The following FILIP1 variants were observed in gnomAD, a reference collection of about 807,000 sequenced individuals.
The protein encoded by FILIP1 is filamin-A-interacting protein 1.
FILIP1 carries 61 observed loss-of-function variants against 102.1 expected under a neutral mutation model. The ratio of observed to expected loss-of-function variants is 0.60; its 90% CI spans 0.49 to 0.74. The LOEUF (loss-of-function observed/expected upper bound fraction) is 0.74, where lower values mean the gene tolerates loss of function less well. Among genes scored for constraint, FILIP1 ranks in the 30% least tolerant of loss-of-function variants. The probability of loss-of-function intolerance (pLI) is 0.00; values close to 1 mark genes in which losing one functional copy is unlikely to be tolerated. For synonymous variants in FILIP1, 491 were observed against 526.9 expected, an observed-to-expected ratio of 0.93 and a Z score of 0.93; for missense variants, 1,314 against 1,441.2, an observed-to-expected ratio of 0.91 and a Z score of 1.43.
At chr6:75,441,790 G>T (rs1366954080) in intron 1 of FILIP1, among the ~76,000 whole-genome samples, 5 of 148,476 alleles carry the variant, frequency 3.4e-5, no homozygotes, top group African/African-American at 1.2e-4. Context: ...CAGCCGGGCA[G>T]AGGTGCCCCT....
intron 4 of FILIP1, among the ~76,000 whole-genome samples, chr6:75,348,881 C>CT (rs1306293466): frequency 6.6e-6 from 1 of 152,168 alleles, no homozygotes; most frequent in Non-Finnish European, 1.5e-5. Flanking sequence ...GTCCTAATAT[C>CT]TCTGTGCTTA....
rs1773082853 is a variant in FILIP1, at chr6:75,308,900, G to A, written c.3436-3C>T. 1.9e-6 allele frequency: 3 copies of A among 1,613,674 alleles called. No homozygotes were observed. Among genetic ancestry groups the A allele is most frequent in the African/African-American group, 1.3e-5 (1 of 74,910 alleles). ...TGGGATGACCCGTCTTGTCCTGACTGTAAGAGAGAAAATACGTAGATACAA... is the reference window on the plus strand; with the variant it reads ...TGGGATGACCCGTCTTGTCCTGACTATAAGAGAGAAAATACGTAGATACAA... On this transcript the variant is annotated splice_polypyrimidine_tract_variant and splice_region_variant and intron_variant, in intron 5 of 5. Transcript: ENST00000237172.
At chr6:75,407,611 G>C (rs753155942) in intron 2 of FILIP1, among the ~76,000 whole-genome samples, 2 of 152,146 alleles carry the variant, frequency 1.3e-5, no homozygotes, top group Non-Finnish European at 2.9e-5. Flanking sequence ...TCAATGTCAA[G>C]AGTCAATGTG....
In FILIP1 at chr6:75,297,336, A is replaced by G. The variant is rs560706164; in HGVS notation, c.3494-1386T>C. On this transcript the variant is annotated intron_variant, in intron 6 of 6. Transcript: ENST00000393004. The stretch of plus-strand genomic sequence containing the variant: ...CAGTGCATGATTACCTGCCAAAAAG[A>G]AAATGTTTTCTTAATTTGGTGTCGT... 6.6e-5 allele frequency among the ~76,000 whole-genome samples: 10 copies of G among 152,302 alleles called. No homozygotes were observed. In the East Asian group the frequency reaches 1.7e-3, roughly 26 times the overall value.
chr6:75,477,548 C>T (rs1582564647), intron 1 of FILIP1, among the ~76,000 whole-genome samples: 1 of 150,864 alleles, frequency 6.6e-6, no homozygotes, highest in Non-Finnish European at 1.5e-5. Flanking sequence ...TATAATTTGT[C>T]CATCAAAAAT....
chr6:75,345,621 A>C (rs1258216348), intron 4 of FILIP1, among the ~76,000 whole-genome samples: 10 of 152,166 alleles, frequency 6.6e-5, no homozygotes, highest in Admixed American at 6.5e-4. Flanking sequence ...TGCGCTATGT[A>C]AACGTCACAC....
chr6:75,422,588 A>C (rs1379663269), intron 1 of FILIP1, among the ~76,000 whole-genome samples: 1 of 152,166 alleles, frequency 6.6e-6, no homozygotes, highest in Non-Finnish European at 1.5e-5. Flanking sequence ...AGCCAGAAAG[A>C]CAAGTACCTT....
chr6:75,345,693 A>T (rs1774557639), intron 4 of FILIP1, among the ~76,000 whole-genome samples: 1 of 152,126 alleles, frequency 6.6e-6, no homozygotes, highest in African/African-American at 2.4e-5. Flanking sequence ...TCCTGCCTAT[A>T]AAATCTGCTG....
intron 4 of FILIP1, chr6:75,319,172 T>C (rs1230906767): frequency 2.5e-5 from 18 of 731,134 alleles, no homozygotes; most frequent in Non-Finnish European, 4.0e-5. Flanking sequence ...GGCTTTCCTT[T>C]AGCTTGATAT....
intron 1 of FILIP1, among the ~76,000 whole-genome samples, chr6:75,464,124 T>G (rs1012606439): frequency 6.6e-6 from 1 of 152,232 alleles, no homozygotes; most frequent in Non-Finnish European, 1.5e-5. Flanking sequence ...GACGTCATCC[T>G]TTTAAGATTA....
intron 2 of FILIP1, among the ~76,000 whole-genome samples, chr6:75,386,998 C>T (rs1201279183): frequency 1.3e-5 from 2 of 151,236 alleles, no homozygotes; most frequent in African/African-American, 4.9e-5. Flanking sequence ...CCTTTGCTAT[C>T]CCTAATGCTA....
At chr6:75,434,786 C>T (rs1309089648) in intron 1 of FILIP1, among the ~76,000 whole-genome samples, 2 of 152,212 alleles carry the variant, frequency 1.3e-5, no homozygotes, top group African/African-American at 4.8e-5. Flanking sequence ...GGGAATGCTT[C>T]CAGCTTTTGC....
chr6:75,476,457 C>A (rs1286132368), intron 1 of FILIP1, among the ~76,000 whole-genome samples: 2 of 151,876 alleles, frequency 1.3e-5, no homozygotes, highest in African/African-American at 2.4e-5. Flanking sequence ...TTGGTATGAA[C>A]AAAACTGAAC....
rs147152005 is a variant in FILIP1, at chr6:75,308,857, C to T, written c.3476G>A (p.Arg1159His). ...DGSSQRPTPT[R>H]IPMSKGMKAG... ...TTTCATACCTTTTGACATAGGAATG[C>T]GGGTGGGTGTAGGCCGCTGGGATGA... Residue 1159 changes from arginine to histidine, a missense_variant, in exon 6 of 6, where the codon CGC (arginine) becomes CAC (histidine). By Grantham distance (29) the Arg-to-His change is conservative. Transcript: ENST00000237172. 4.1e-4 allele frequency: 657 copies of T among 1,612,928 alleles called. 1 individual carries two copies. The highest frequency in any genetic ancestry group is 1.7e-3 in the Middle Eastern group (10 of 6,052).
chr6:75,300,031 A>G (rs1395835831), intron 6 of FILIP1, among the ~76,000 whole-genome samples: 1 of 152,184 alleles, frequency 6.6e-6, no homozygotes, highest in Non-Finnish European at 1.5e-5. Flanking sequence ...AGAGTGAGAA[A>G]GATGTACTCC....
chr6:75,356,692 C>G, intron 3 of FILIP1, among the ~76,000 whole-genome samples: 1 of 152,164 alleles, frequency 6.6e-6, no homozygotes, highest in East Asian at 1.9e-4. Flanking sequence ...TGGTCTTGAA[C>G]TCCTGACCTC....
At position 75,314,739 on chromosome 6, in the gene FILIP1, T is replaced by A. The variant is rs763403214; in HGVS notation, c.1093A>T (p.Lys365Ter). 6.2e-7 allele frequency: 1 copy of A among 1,614,210 alleles called. No individual in the cohort carries two copies. The highest frequency in any genetic ancestry group is 8.5e-7 in the Non-Finnish European group (1 of 1,180,034). ...AEEELQELRD[K>*]IAKGECGNSS... ...TTTCCACATTCTCCTTTGGCAATTT[T>A]ATCTCTTAATTCTTGAAGTTCTTCC... The change falls in exon 5 of 6, where the codon AAA (lysine) becomes TAA (stop). Residue 365 changes from lysine to a stop codon, truncating the protein, a stop_gained. Transcript: ENST00000237172. LOFTEE classifies it high-confidence loss of function.
intron 4 of FILIP1, chr6:75,319,315 GTTC>G (rs1381209370): frequency 1.2e-5 from 8 of 652,822 alleles, no homozygotes; most frequent in Middle Eastern, 9.2e-4. Flanking sequence ...AGGCCAGGAT[GTTC>G]TTCTTTGATT....
At chr6:75,421,585 C>T (rs1777467458) in intron 1 of FILIP1, among the ~76,000 whole-genome samples, 1 of 152,084 alleles carries the variant, frequency 6.6e-6, no homozygotes, top group Admixed American at 6.6e-5. Context: ...ACTACTCCTC[C>T]TCACTGTCCC....
Sources: gnomAD v4.1 joint callset for allele counts (sites outside exome capture counted in the v4.1 genomes callset) on GRCh38, gnomAD v4.1.1 for gene constraint, MANE v1.5 for transcripts, NCBI Gene and HGNC (gene_info 2026-07-23, HGNC 2026-07-21) for gene names.